Variants in DNAJC5B observed in about 807,000 individuals in gnomAD.
DNAJC5B encodes DnaJ heat shock protein family (Hsp40) member C5 beta.
Under a neutral mutation model 24.7 loss-of-function variants are expected in DNAJC5B, and 23 were observed. That is an observed-to-expected ratio of 0.93 (90% CI 0.67 to 1.32). The LOEUF (loss-of-function observed/expected upper bound fraction) is 1.32. Ranked by LOEUF, DNAJC5B falls within the 40% of genes most tolerant of loss-of-function variation. DNAJC5B has a pLI of 0.00. For missense variants in DNAJC5B, 238 were observed against 240.8 expected, an observed-to-expected ratio of 0.99 and a Z score of 0.08; for synonymous variants, 101 against 90.1, an observed-to-expected ratio of 1.12 and a Z score of -0.68.
chr8:66,026,787 G>T (rs928580947), intron 1 of DNAJC5B, among the ~76,000 whole-genome samples: 5 of 152,242 alleles, frequency 3.3e-5, no homozygotes, highest in Non-Finnish European at 7.3e-5. Flanking sequence ...AAGGGGGAAG[G>T]TTATGCTCTA....
intron 3 of DNAJC5B, among the ~76,000 whole-genome samples, chr8:66,060,054 C>T (rs1175197998): frequency 6.6e-6 from 1 of 152,232 alleles, no homozygotes; most frequent in Non-Finnish European, 1.5e-5. Flanking sequence ...CTTTCCTCCT[C>T]TTTGTGATAT....
chr8:66,078,286 CA>C (rs1226327368), intron 4 of DNAJC5B, among the ~76,000 whole-genome samples: 1 of 152,106 alleles, frequency 6.6e-6, no homozygotes, highest in Non-Finnish European at 1.5e-5. Context: ...CACAGAAAAA[CA>C]TATCTTTTCC....
chr8:66,089,916 C>T (rs1166805242), intron 5 of DNAJC5B, among the ~76,000 whole-genome samples: 7 of 152,110 alleles, frequency 4.6e-5, no homozygotes, highest in African/African-American at 1.7e-4. Context: ...TTCTATTGTT[C>T]TTATGAATCA....
intron 1 of DNAJC5B, among the ~76,000 whole-genome samples, chr8:66,035,282 C>A (rs954193998): frequency 6.6e-6 from 1 of 152,240 alleles, no homozygotes; most frequent in African/African-American, 2.4e-5. Context: ...ACTTTACAAT[C>A]CTGTTGTGGA....
At chr8:66,049,145 A>T (rs1003598604) in intron 2 of DNAJC5B, among the ~76,000 whole-genome samples, 4 of 152,260 alleles carry the variant, frequency 2.6e-5, no homozygotes, top group Non-Finnish European at 5.9e-5. Context: ...TCAATGTCAG[A>T]CTACATATAC....
At chr8:66,093,227 T>C (rs372669948) in intron 5 of DNAJC5B, among the ~76,000 whole-genome samples, 22 of 152,212 alleles carry the variant, frequency 1.4e-4, no homozygotes, top group African/African-American at 5.1e-4. Context: ...TTCTGGTGCA[T>C]GAATGCTAGA....
intron 3 of DNAJC5B, among the ~76,000 whole-genome samples, chr8:66,065,540 T>A (rs986931817): frequency 5.9e-5 from 9 of 152,158 alleles, no homozygotes; most frequent in Non-Finnish European, 1.3e-4. Flanking sequence ...GGCTCCTGAG[T>A]CCCTAAGCCC....
rs547480860 is a variant in DNAJC5B, at chr8:66,040,554, T to A, written c.-141-2934T>A. On this transcript the variant is annotated intron_variant, in intron 1 of 5. Coordinates refer to ENST00000276570, the MANE Select transcript of DNAJC5B (RefSeq NM_033105.6). ...GGCAGTGGGAAATTCCTCTAGAGAGTTGCTGGTCGGCAGGTGTTTTCCACA... is the reference window on the plus strand; with the variant it reads ...GGCAGTGGGAAATTCCTCTAGAGAGATGCTGGTCGGCAGGTGTTTTCCACA... 1.1e-4 allele frequency among the ~76,000 whole-genome samples: 17 copies of A among 152,296 alleles called. No individual in the cohort carries two copies. The South Asian group carries it at 3.1e-3, about 28-fold the overall frequency.
chr8:66,049,692 G>T (rs1318676704), intron 2 of DNAJC5B, among the ~76,000 whole-genome samples: 1 of 152,158 alleles, frequency 6.6e-6, no homozygotes, highest in African/African-American at 2.4e-5. Context: ...GTCGGCTGTG[G>T]GTGTTATCAT....
intron 1 of DNAJC5B, among the ~76,000 whole-genome samples, chr8:66,035,752 C>T (rs1326536912): frequency 6.6e-6 from 1 of 152,172 alleles, no homozygotes; most frequent in African/African-American, 2.4e-5. Context: ...TACCTCGTTA[C>T]GGCAGCCTGG....
chr8:66,026,496 C>T (rs1010650368), intron 1 of DNAJC5B, among the ~76,000 whole-genome samples: 2 of 152,236 alleles, frequency 1.3e-5, no homozygotes, highest in Admixed American at 1.3e-4. Context: ...AGGAAGCTAC[C>T]TCTCTGAAGA....
chr8:66,036,853 C>A (rs1331341275), intron 1 of DNAJC5B, among the ~76,000 whole-genome samples: 1 of 152,158 alleles, frequency 6.6e-6, no homozygotes, highest in East Asian at 1.9e-4. Context: ...GCTTTTGGGG[C>A]CACTTGCTGG....
At chr8:66,075,478 A>G (rs1807441847) in intron 3 of DNAJC5B, among the ~76,000 whole-genome samples, 1 of 152,196 alleles carries the variant, frequency 6.6e-6, no homozygotes, top group East Asian at 1.9e-4. Flanking sequence ...AAAAATGACA[A>G]AAGGCATTTT....
At chr8:66,099,899 G>A (rs375855077) in intron 5 of DNAJC5B, 38 bp from the exon 6 acceptor site, 1 of 1,575,876 alleles carries the variant, frequency 6.3e-7, no homozygotes, top group Non-Finnish European at 8.7e-7. Context: ...ACTGTAACAT[G>A]ATGAGAGTGT....
At chr8:66,082,469 T>A (rs1323089103) in intron 5 of DNAJC5B, among the ~76,000 whole-genome samples, 1 of 152,080 alleles carries the variant, frequency 6.6e-6, no homozygotes, top group Non-Finnish European at 1.5e-5. Flanking sequence ...GGAACAGAAA[T>A]CCATACTAGG....
rs145883084 is a variant in DNAJC5B, at chr8:66,049,665, G to A, written c.-17-1866G>A. The stretch of plus-strand genomic sequence containing the variant: ...ACATAGCCTCATCGTTAAGTGGTGC[G>A]TAACTGTAACTGAATTGTCGGCTGT... On this transcript the variant is annotated intron_variant, in intron 2 of 5. Transcript: ENST00000276570. Among the ~76,000 whole-genome samples, 257 of 152,298 alleles carry A rather than the reference G, an allele frequency of 1.7e-3. 4 individuals are homozygous for A. The highest frequency in any genetic ancestry group is 0.015 in the South Asian group (74 of 4,820).
intron 3 of DNAJC5B, among the ~76,000 whole-genome samples, chr8:66,058,828 G>A (rs1291727366): frequency 6.6e-6 from 1 of 152,194 alleles, no homozygotes; most frequent in East Asian, 1.9e-4. Context: ...CAAGAGGAAG[G>A]CTTTTACTGT....
chr8:66,051,592 A>G lies in DNAJC5B; in HGVS notation c.45A>G (p.Thr15=). 6.2e-7 allele frequency: 1 copy of G among 1,614,140 alleles called. No individual in the cohort carries two copies. The highest frequency in any genetic ancestry group is 8.5e-7 in the Non-Finnish European group (1 of 1,180,012). The change falls in exon 3 of 6, where the codon ACA becomes ACG. Residue 15 remains threonine (T), a synonymous_variant. Coordinates refer to ENST00000276570, the MANE Select transcript of DNAJC5B (RefSeq NM_033105.6). ...IPNQRQRTLS[T]TGEALYEILG... ...ACCAAAGACAGCGGACTCTGTCAAC[A>G]ACAGGAGAAGCTCTATACGAAATTC...
At chr8:66,052,073 T>C (rs1292995917) in intron 3 of DNAJC5B, among the ~76,000 whole-genome samples, 1 of 151,692 alleles carries the variant, frequency 6.6e-6, no homozygotes, top group African/African-American at 2.4e-5. Context: ...CAAGCGATTC[T>C]CTGCCTCAGC....
Sources: gnomAD v4.1 joint callset for allele counts (sites outside exome capture counted in the v4.1 genomes callset) on GRCh38, gnomAD v4.1.1 for gene constraint, MANE v1.5 for transcripts, NCBI Gene and HGNC (gene_info 2026-07-23, HGNC 2026-07-21) for gene names.